Variants in HPSE2 observed in about 807,000 individuals in gnomAD.
HPSE2 encodes inactive heparanase-2.
In HPSE2, 38 loss-of-function variants were observed where a neutral mutation model predicts 60.5. The observed-to-expected ratio is 0.63, with a 90% confidence interval of 0.48 to 0.82. HPSE2 has a LOEUF of 0.82. Among genes scored for constraint, HPSE2 ranks in the 40% least tolerant of loss-of-function variants. HPSE2 has a pLI of 0.00. For missense variants in HPSE2, 713 were observed against 740.4 expected (o/e 0.96, Z 0.43); for synonymous variants, 295 against 293.2 (o/e 1.01, Z -0.06).
chr10:98,953,580 A>G (rs1955428108), intron 3 of HPSE2, among the ~76,000 whole-genome samples: 1 of 152,126 alleles, frequency 6.6e-6, no homozygotes, highest in African/African-American at 2.4e-5. Context: ...CTAGGTTCAG[A>G]GTACACGCTC....
chr10:99,069,494 T>C lies in HPSE2; in HGVS notation c.610+74744A>G, dbSNP rs148255885. 1.4e-3 allele frequency among the ~76,000 whole-genome samples: 206 copies of C among 151,934 alleles called. 1 individual carries two copies. Among genetic ancestry groups the C allele is most frequent in the South Asian group, 6.9e-3 (33 of 4,762 alleles). ...CTCATATTTCAGGTTATTACATCTATGGAAAAGAAGTGATTTTCCAATTTA... is the reference window on the plus strand; with the variant it reads ...CTCATATTTCAGGTTATTACATCTACGGAAAAGAAGTGATTTTCCAATTTA... On this transcript the variant is annotated intron_variant, in intron 3 of 11. Transcript: ENST00000370552.
chr10:99,136,331 T>C (rs138011777), intron 3 of HPSE2, among the ~76,000 whole-genome samples: 4,271 of 152,236 alleles, frequency 0.028, 207 homozygotes, highest in Admixed American at 0.13. Context: ...ACAGGTACCA[T>C]TCCTTCTGAA....
chr10:99,185,632 G>A (rs1847976198), intron 2 of HPSE2, among the ~76,000 whole-genome samples: 1 of 151,876 alleles, frequency 6.6e-6, no homozygotes, highest in Admixed American at 6.6e-5. Flanking sequence ...AAATTAGCCG[G>A]GCGTAGTGGC....
intron 9 of HPSE2, among the ~76,000 whole-genome samples, chr10:98,537,102 G>A (rs1943306505): frequency 6.6e-6 from 1 of 152,218 alleles, no homozygotes; most frequent in Non-Finnish European, 1.5e-5. Flanking sequence ...GAGACTTGGG[G>A]AGTAAGATGA....
At chr10:98,613,109 C>A (rs1327224785) in intron 9 of HPSE2, among the ~76,000 whole-genome samples, 2 of 152,182 alleles carry the variant, frequency 1.3e-5, no homozygotes, top group Admixed American at 1.3e-4. Context: ...CTCAGAGAAG[C>A]CTTTCCTGCA....
At chr10:98,639,033 T>C (rs1292787480) in intron 7 of HPSE2, among the ~76,000 whole-genome samples, 1 of 152,212 alleles carries the variant, frequency 6.6e-6, no homozygotes, top group Non-Finnish European at 1.5e-5. Context: ...GAGGAGTTTA[T>C]TTCTTTTCGC....
At chr10:99,159,507 T>G (rs12572363) in intron 2 of HPSE2, among the ~76,000 whole-genome samples, 77,484 of 152,070 alleles carry the variant, frequency 0.51, 21,542 homozygotes, top group East Asian at 0.65. Flanking sequence ...GAAGAAATGA[T>G]TGTATGTAAA....
chr10:99,297,400 C>T, the HPSE2 span, among the ~76,000 whole-genome samples: 1 of 152,220 alleles, frequency 6.6e-6, no homozygotes, highest in African/African-American at 2.4e-5. Flanking sequence ...GTTCCTTCTG[C>T]CCACACTCCC....
intron 4 of HPSE2, among the ~76,000 whole-genome samples, chr10:98,732,593 A>G (rs1351111981): frequency 1.3e-5 from 2 of 152,162 alleles, no homozygotes. Flanking sequence ...CAAAAAGACT[A>G]ATTTATAGCC....
intron 3 of HPSE2, among the ~76,000 whole-genome samples, chr10:98,972,797 T>G (rs1053401817): frequency 6.6e-6 from 1 of 152,208 alleles, no homozygotes; most frequent in African/African-American, 2.4e-5. Flanking sequence ...TCTGTAGTCC[T>G]GCCCTTAATC....
chr10:98,629,832 G>A (rs1946313675), intron 7 of HPSE2, among the ~76,000 whole-genome samples: 1 of 152,154 alleles, frequency 6.6e-6, no homozygotes, highest in Middle Eastern at 3.2e-3. Flanking sequence ...AGTGATTTGG[G>A]AATAATTTAG....
At chr10:99,268,029 A>G in the HPSE2 span, among the ~76,000 whole-genome samples, 1 of 152,200 alleles carries the variant, frequency 6.6e-6, no homozygotes, top group African/African-American at 2.4e-5. Context: ...GATGAAGGAA[A>G]GAATCTTAAG....
At chr10:98,782,747 TGG>T (rs1400900579) in intron 3 of HPSE2, among the ~76,000 whole-genome samples, 4 of 105,420 alleles carry the variant, frequency 3.8e-5, no homozygotes, top group Non-Finnish European at 8.3e-5. Context: ...CTAGGGCCAC[TGG>T]TAGGGTATGT....
At chr10:99,137,108 G>C (rs1051614375) in intron 3 of HPSE2, among the ~76,000 whole-genome samples, 3 of 152,148 alleles carry the variant, frequency 2.0e-5, no homozygotes, top group East Asian at 1.9e-4. Flanking sequence ...TAGACAAACA[G>C]AGAGCCAAAT....
chr10:99,285,707 T>C, the HPSE2 span, among the ~76,000 whole-genome samples: 1 of 151,988 alleles, frequency 6.6e-6, no homozygotes, highest in South Asian at 2.1e-4. Context: ...GGTGGGTGGA[T>C]TGCAGCCAGG....
At chr10:99,032,911 T>A (rs1042106356) in intron 3 of HPSE2, among the ~76,000 whole-genome samples, 1 of 152,230 alleles carries the variant, frequency 6.6e-6, no homozygotes, top group Admixed American at 6.5e-5. Flanking sequence ...TAAGGATCCT[T>A]GTGATTACAC....
chr10:98,551,235 A>G (rs561533221), intron 9 of HPSE2, among the ~76,000 whole-genome samples: 1 of 152,208 alleles, frequency 6.6e-6, no homozygotes, highest in Admixed American at 6.5e-5. Flanking sequence ...AAGTAAGACA[A>G]CCAGTTGCAT....
intron 3 of HPSE2, among the ~76,000 whole-genome samples, chr10:99,023,314 C>T (rs1016590421): frequency 4.6e-5 from 7 of 152,146 alleles, no homozygotes; most frequent in South Asian, 2.1e-4. Context: ...AGTCTGAGTG[C>T]CATGTCAGCC....
intron 9 of HPSE2, among the ~76,000 whole-genome samples, chr10:98,582,810 C>T (rs1285658446): frequency 6.6e-6 from 1 of 152,104 alleles, no homozygotes; most frequent in Non-Finnish European, 1.5e-5. Context: ...ATTAGTATGT[C>T]TACAGTAGTG....
Sources: allele counts gnomAD v4.1 joint callset (sites outside exome capture counted in the v4.1 genomes callset), GRCh38; gene constraint gnomAD v4.1.1; transcripts MANE v1.5; gene names NCBI Gene and HGNC (gene_info 2026-07-23, HGNC 2026-07-21).